ANKIB1: variants seen among roughly 807,000 people sequenced by gnomAD.
ANKIB1 encodes ankyrin repeat and IBR domain-containing protein 1.
In ANKIB1, 43 loss-of-function variants were observed where a neutral mutation model predicts 122.1. That is an observed-to-expected ratio of 0.35 (90% confidence interval 0.28 to 0.45). ANKIB1 has a LOEUF of 0.45. ANKIB1 is among the 20% of genes least tolerant of loss of function. The pLI, the probability that ANKIB1 is intolerant of heterozygous loss-of-function variation, is 1.00. For missense variants in ANKIB1, 992 were observed against 1,329.5 expected (o/e 0.75, Z 3.95); for synonymous variants, 390 against 442.0 (o/e 0.88, Z 1.48).
At chr7:92,341,652 G>T (rs1454986160) in intron 5 of ANKIB1, among the ~76,000 whole-genome samples, 1 of 152,168 alleles carries the variant, frequency 6.6e-6, no homozygotes, top group East Asian at 1.9e-4. Flanking sequence ...AGTGGGAAAA[G>T]GAGATAAAGT....
In ANKIB1 at chr7:92,364,310, TAAAAAAAAAAAAAA is replaced by T. The variant is rs762884822; in HGVS notation, c.1486+2053_1486+2066del. On this transcript the variant is annotated intron_variant, in intron 10 of 19. Coordinates refer to ENST00000265742, the MANE Select transcript of ANKIB1 (RefSeq NM_019004.2). ...CTGGATGCCAGAGCAAGACTCCATCTAAAAAAAAAAAAAAAAAAAAAAAAAAAAAGCCTTTATAG... is the reference window on the plus strand; with the variant it reads ...CTGGATGCCAGAGCAAGACTCCATCTAAAAAAAAAAAAAAAGCCTTTATAG... Among the ~76,000 whole-genome samples, 42 of 33,528 alleles carry T rather than the reference TAAAAAAAAAAAAAA, an allele frequency of 1.3e-3. 2 individuals carry two copies. The South Asian group carries it at 0.048, about 38-fold the overall frequency. The allele number at this position is 33,528 out of a possible 152,430, so 22.0% of individuals were successfully genotyped here.
intron 18 of ANKIB1, 42 bp from the exon 19 acceptor site, chr7:92,397,681 T>A (rs1267380714): frequency 6.2e-7 from 1 of 1,604,056 alleles, no homozygotes; most frequent in South Asian, 1.1e-5. Context: ...ATAAGTCTTA[T>A]TTGTCACTAA....
chr7:92,336,717 A>T (rs987617546), intron 5 of ANKIB1, among the ~76,000 whole-genome samples: 2 of 152,078 alleles, frequency 1.3e-5, no homozygotes, highest in African/African-American at 2.4e-5. Flanking sequence ...GTAAAATTTC[A>T]AGTTTCTGTC....
intron 1 of ANKIB1, among the ~76,000 whole-genome samples, chr7:92,288,262 C>A (rs1408375473): frequency 6.6e-6 from 1 of 152,064 alleles, no homozygotes; most frequent in African/African-American, 2.4e-5. Context: ...ATAGCATCCC[C>A]AAAAAATAGG....
chr7:92,322,467 A>G (rs1044562905), intron 4 of ANKIB1, among the ~76,000 whole-genome samples: 1 of 152,058 alleles, frequency 6.6e-6, no homozygotes, highest in Admixed American at 6.6e-5. Flanking sequence ...TATTTTGTCT[A>G]TTTTCATGCA....
intron 3 of ANKIB1, among the ~76,000 whole-genome samples, chr7:92,319,090 T>A (rs1397713070): frequency 6.6e-6 from 1 of 152,160 alleles, no homozygotes; most frequent in Admixed American, 6.5e-5. Flanking sequence ...TTTTGGGTTT[T>A]TTTAAATTAT....
intron 3 of ANKIB1, among the ~76,000 whole-genome samples, chr7:92,313,021 C>A (rs1802723718): frequency 6.6e-6 from 1 of 152,068 alleles, no homozygotes; most frequent in South Asian, 2.1e-4. Context: ...AGTCATTAGG[C>A]CTCATTATGT....
intron 11 of ANKIB1, among the ~76,000 whole-genome samples, chr7:92,381,259 G>T (rs1263006182): frequency 1.3e-5 from 2 of 152,124 alleles, no homozygotes; most frequent in African/African-American, 4.8e-5. Context: ...CCAAATATAC[G>T]TACAATTGGT....
At chr7:92,325,871 G>A (rs926780919) in intron 4 of ANKIB1, 3 of 424,154 alleles carry the variant, frequency 7.1e-6, no homozygotes, top group Admixed American at 2.8e-5. Flanking sequence ...ATGCAAAAGA[G>A]GTAATTTTAT....
intron 5 of ANKIB1, among the ~76,000 whole-genome samples, chr7:92,331,095 T>C (rs1803163026): frequency 6.6e-6 from 1 of 152,116 alleles, no homozygotes; most frequent in Non-Finnish European, 1.5e-5. Context: ...CACTGCGTCA[T>C]AGTTGTACTG....
chr7:92,312,275 G>T (rs1278460875), intron 3 of ANKIB1, among the ~76,000 whole-genome samples: 1 of 152,130 alleles, frequency 6.6e-6, no homozygotes, highest in African/African-American at 2.4e-5. Flanking sequence ...TAAATTATTT[G>T]TGAGATAAAA....
chr7:92,315,979 T>C (rs1802785811), intron 3 of ANKIB1, among the ~76,000 whole-genome samples: 1 of 152,010 alleles, frequency 6.6e-6, no homozygotes. Flanking sequence ...AGGGATGGGG[T>C]AGGGTTTGTC....
chr7:92,355,441 T>G (rs1229563035), intron 9 of ANKIB1, among the ~76,000 whole-genome samples: 1 of 152,202 alleles, frequency 6.6e-6, no homozygotes, highest in Admixed American at 6.5e-5. Flanking sequence ...TCTGGTCCCT[T>G]TTAATCACCA....
At chr7:92,387,744 A>C in intron 12 of ANKIB1, 54 bp from the exon 13 acceptor site, 1 of 1,381,722 alleles carries the variant, frequency 7.2e-7, no homozygotes, top group Non-Finnish European at 1.0e-6. Context: ...CCAAAAAACT[A>C]TTTTAGTAGC....
chr7:92,372,238 G>A (rs1212982113), intron 11 of ANKIB1, among the ~76,000 whole-genome samples: 4 of 152,020 alleles, frequency 2.6e-5, no homozygotes, highest in Admixed American at 6.6e-5. Context: ...CATCTGTATC[G>A]AACATGTACA....
In ANKIB1 at chr7:92,305,800, G is replaced by C. The variant is rs546744490; in HGVS notation, c.189-1559G>C. On this transcript the variant is annotated intron_variant, in intron 2 of 19. Coordinates refer to ENST00000265742, the MANE Select transcript of ANKIB1 (RefSeq NM_019004.2). ...AAACTGTACTAAAACTTGGAACCTG[G>C]ACAAAAAATGAGCTTTGGAAATTAA... Among the ~76,000 whole-genome samples the C allele has an allele frequency of 3.3e-5, 5 of 152,220 alleles. No homozygotes were observed. In the South Asian group the frequency reaches 1.0e-3, roughly 32 times the overall value.
chr7:92,299,609 G>A (rs796193197), intron 2 of ANKIB1, among the ~76,000 whole-genome samples: 1 of 152,232 alleles, frequency 6.6e-6, no homozygotes, highest in African/African-American at 2.4e-5. Flanking sequence ...ACAACAGATG[G>A]AATCCTGTGA....
At chr7:92,348,645 A>G in intron 7 of ANKIB1, among the ~76,000 whole-genome samples, 1 of 152,086 alleles carries the variant, frequency 6.6e-6, no homozygotes, top group Non-Finnish European at 1.5e-5. Flanking sequence ...CGGCCTCCCA[A>G]AGCGCTAGGA....
intron 11 of ANKIB1, 71 bp downstream of exon 11, chr7:92,371,678 G>T: frequency 6.6e-7 from 1 of 1,510,640 alleles, no homozygotes; most frequent in Non-Finnish European, 9.0e-7. Context: ...TCAATCCAAA[G>T]GATAAATTAT....
Sources: gnomAD v4.1 joint callset for allele counts (sites outside exome capture counted in the v4.1 genomes callset) on GRCh38, gnomAD v4.1.1 for gene constraint, MANE v1.5 for transcripts, NCBI Gene and HGNC (gene_info 2026-07-23, HGNC 2026-07-21) for gene names.